NEK11: variants seen among roughly 807,000 people sequenced by gnomAD.
NEK11 encodes the protein serine/threonine-protein kinase Nek11.
NEK11 carries 72 observed loss-of-function variants against 80.7 expected under a neutral mutation model. The observed-to-expected ratio is 0.89, with a 90% CI of 0.74 to 1.08. The LOEUF is 1.08. Ranked by LOEUF, NEK11 falls within the 50% of genes least tolerant of loss-of-function variation. NEK11 has a pLI of 0.00. For synonymous variants in NEK11, 251 were observed against 260.7 expected (o/e 0.96, Z 0.36); for missense variants, 764 against 763.6 (o/e 1.00, Z -0.01).
At chr3:131,280,138 A>G (rs776517262) in intron 17 of NEK11, among the ~76,000 whole-genome samples, 8 of 152,214 alleles carry the variant, frequency 5.3e-5, no homozygotes, top group Non-Finnish European at 1.0e-4. Context: ...CACTTTTCCA[A>G]TTGGAAGTCA....
At chr3:131,207,190 G>T (rs1241232035) in intron 14 of NEK11, among the ~76,000 whole-genome samples, 1 of 152,198 alleles carries the variant, frequency 6.6e-6, no homozygotes, top group Non-Finnish European at 1.5e-5. Context: ...CCAGTAATGG[G>T]ATGGCTGGGT....
intron 5 of NEK11, among the ~76,000 whole-genome samples, chr3:131,128,605 C>A (rs2083793463): frequency 6.6e-6 from 1 of 152,204 alleles, no homozygotes; most frequent in Non-Finnish European, 1.5e-5. Flanking sequence ...ATGAATAAAG[C>A]TGCTATAAAC....
chr3:131,057,295 C>T (rs1268487128), intron 3 of NEK11, among the ~76,000 whole-genome samples: 2 of 151,938 alleles, frequency 1.3e-5, no homozygotes, highest in South Asian at 2.1e-4. Flanking sequence ...CATTGTTGGA[C>T]GTTTAGGTTG....
At chr3:131,255,537 A>C (rs1270933147) in intron 16 of NEK11, among the ~76,000 whole-genome samples, 2 of 152,156 alleles carry the variant, frequency 1.3e-5, no homozygotes, top group African/African-American at 4.8e-5. Context: ...TAGGTTCATC[A>C]ATCCCTTCCT....
At chr3:131,041,037 C>A (rs568219364) in intron 3 of NEK11, among the ~76,000 whole-genome samples, 1 of 152,186 alleles carries the variant, frequency 6.6e-6, no homozygotes, top group African/African-American at 2.4e-5. Flanking sequence ...TTGCTTATGT[C>A]TTTCATCTCA....
intron 17 of NEK11, among the ~76,000 whole-genome samples, chr3:131,336,785 G>A (rs74526657): frequency 0.16 from 23,681 of 151,562 alleles, 2,321 homozygotes; most frequent in Admixed American, 0.22. Flanking sequence ...AAAAACAACC[G>A]CATCAAAAAG....
chr3:131,161,868 A>G (rs2091641026), intron 10 of NEK11, among the ~76,000 whole-genome samples: 1 of 152,244 alleles, frequency 6.6e-6, no homozygotes. Flanking sequence ...AGATTTAGCT[A>G]TTAAAATACT....
intron 17 of NEK11, among the ~76,000 whole-genome samples, chr3:131,285,983 T>C (rs1423352860): frequency 1.3e-5 from 2 of 152,214 alleles, no homozygotes; most frequent in African/African-American, 4.8e-5. Flanking sequence ...GAGCCTCAGT[T>C]TCTTCACCTG....
At chr3:131,089,717 G>T (rs1300015219) in intron 4 of NEK11, among the ~76,000 whole-genome samples, 2 of 152,144 alleles carry the variant, frequency 1.3e-5, no homozygotes, top group Admixed American at 6.5e-5. Flanking sequence ...GGGATTACGG[G>T]CATGAGCCAC....
rs1005546026 is a variant in NEK11 at position 131,349,754 on chromosome 3, C to G, written c.1916C>G (p.Pro639Arg). Residue 639 changes from proline (P) to arginine (R), a missense_variant, in exon 18 of 18, where the codon CCT becomes CGT. Pro to Arg is a moderately radical substitution (Grantham distance 103). Coordinates refer to ENST00000383366, the MANE Select transcript of NEK11 (RefSeq NM_024800.5). ...TTGCTGATCACGATGGGAAAAGAAC[C>G]TACTCTCCAGAACCATCTCTAGGCA... ...EQLLITMGKEPTLQNHL is the reference protein window; with the variant it reads ...EQLLITMGKERTLQNHL The G allele has an allele frequency of 6.2e-7, 1 of 1,613,862 alleles. No homozygotes were observed. The highest frequency in any genetic ancestry group is 8.5e-7 in the Non-Finnish European group (1 of 1,179,754).
At chr3:131,044,453 G>GA (rs1209474216) in intron 3 of NEK11, among the ~76,000 whole-genome samples, 1 of 149,382 alleles carries the variant, frequency 6.7e-6, no homozygotes, top group East Asian at 2.0e-4. Flanking sequence ...AGGTGGGGGG[G>GA]GGGGTTGGAA....
intron 17 of NEK11, among the ~76,000 whole-genome samples, chr3:131,277,734 G>T (rs141762076): frequency 1.9e-4 from 29 of 152,332 alleles, no homozygotes; most frequent in African/African-American, 6.7e-4. Context: ...GGGGCAAGCT[G>T]CTGGGATTTA....
chr3:131,232,343 TG>T (rs2107862441), intron 15 of NEK11, among the ~76,000 whole-genome samples: 1 of 152,356 alleles, frequency 6.6e-6, no homozygotes, highest in South Asian at 2.1e-4. Flanking sequence ...CAGACTCTTC[TG>T]TCTTTCCTTT....
rs181110295 is a variant in NEK11 at position 131,129,201 on chromosome 3, C to T, written c.456-3544C>T. On this transcript the variant is annotated intron_variant, in intron 5 of 17. Transcript: ENST00000383366. ...AAGTAGCTGGGACTACAGGTGCCCA[C>T]CACCAGGCCTGGCTAATTTTATTTT... 4.6e-5 allele frequency among the ~76,000 whole-genome samples: 7 copies of T among 152,078 alleles called. No individual in the cohort carries two copies. The East Asian group carries it at 1.4e-3, about 29-fold the overall frequency.
chr3:131,165,524 G>T lies in NEK11; in HGVS notation c.1176+5G>T. On this transcript the variant is annotated splice_donor_5th_base_variant and intron_variant, in intron 12 of 17. Coordinates refer to ENST00000383366, the MANE Select transcript of NEK11 (RefSeq NM_024800.5). ...CTGAGTGTTGATGTACTCCATGTAA[G>T]TACCCTCTTATTTTAAATTTTACAT... 6.4e-7 allele frequency: 1 copy of T among 1,568,898 alleles called. No individual in the cohort carries two copies.
intron 17 of NEK11, among the ~76,000 whole-genome samples, chr3:131,335,915 T>A (rs1471046896): frequency 6.6e-6 from 1 of 152,016 alleles, no homozygotes; most frequent in African/African-American, 2.4e-5. Context: ...TTACAAGGGA[T>A]GTGAAGGACC....
chr3:131,291,432 A>G (rs1253005261), intron 17 of NEK11, among the ~76,000 whole-genome samples: 1 of 152,198 alleles, frequency 6.6e-6, no homozygotes, highest in Non-Finnish European at 1.5e-5. Flanking sequence ...CAACTCCTCT[A>G]GGTAAATACC....
At chr3:131,330,798 T>C (rs1029428670) in intron 17 of NEK11, 1 of 152,040 alleles carries the variant, frequency 6.6e-6, no homozygotes, top group African/African-American at 2.4e-5. Context: ...GAAAATAAAT[T>C]TGTTTCTCAC....
chr3:131,311,977 T>C lies in NEK11; in HGVS notation c.1719-37580T>C, dbSNP rs1266462907. On this transcript the variant is annotated intron_variant, in intron 17 of 17. Transcript: ENST00000383366. ...GGTTGGGTAACGTATCTTAGGAAAA[T>C]GTTAGAACCTGCCATAGTTACCAGG... Among the ~76,000 whole-genome samples the C allele has an allele frequency of 2.6e-5, 4 of 152,284 alleles. No homozygotes were observed. The East Asian group carries it at 5.8e-4, about 22-fold the overall frequency.
Sources: allele counts gnomAD v4.1 joint callset (sites outside exome capture counted in the v4.1 genomes callset), GRCh38; gene constraint gnomAD v4.1.1; transcripts MANE v1.5; gene names NCBI Gene and HGNC (gene_info 2026-07-23, HGNC 2026-07-21).